C2: variants seen among roughly 807,000 people sequenced by gnomAD.
C2 encodes the protein complement C2.
Under a neutral mutation model 85.2 loss-of-function variants are expected in C2, and 64 were observed. The observed-to-expected ratio is 0.75, with a 90% CI of 0.61 to 0.92. The LOEUF (loss-of-function observed/expected upper bound fraction) is 0.92. Among genes scored for constraint, C2 ranks in the 40% least tolerant of loss-of-function variants. The pLI is 0.00. For missense variants in C2, 820 were observed against 971.6 expected, an observed-to-expected ratio of 0.84 and a Z score of 2.07; for synonymous variants, 311 against 370.8, an observed-to-expected ratio of 0.84 and a Z score of 1.85.
Position 31,904,657 on chromosome 6 carries a change from T to C in C2, c.73+3518T>C, listed in dbSNP as rs1164264453. On this transcript the variant is annotated intron_variant, in intron 1 of 3. Coordinates refer to the C2 transcript ENST00000452202. This position sits in a 1 kb window ranked among gnomAD's most constrained non-coding sequence, Gnocchi z 4.4. ...TCTGTTTTTCTATCTCATCTCTTCT[T>C]TTCCGCATTGCCAAACTTCTCAGAA... Among the ~76,000 whole-genome samples the C allele has an allele frequency of 6.6e-6, 1 of 152,102 alleles. No individual in the cohort carries two copies. Among genetic ancestry groups the C allele is most frequent in the African/African-American group, 2.4e-5 (1 of 41,376 alleles).
chr6:31,909,724 G>A (rs556410375), intron 1 of C2, among the ~76,000 whole-genome samples: 4 of 151,806 alleles, frequency 2.6e-5, no homozygotes, highest in East Asian at 1.9e-4. Context: ...GATCACAGGC[G>A]TGAGCCACTG....
chr6:31,944,083 C>T lies in C2; in HGVS notation c.1811-52C>T. ...AGGCTGCAGTCCCCAAGCCAGGAAC[C>T]TGGATTCTGGGTAAAAGGACCAGCA... is the stretch of plus-strand genomic sequence containing the variant. On this transcript the variant is annotated intron_variant, in intron 14 of 17. Transcript: ENST00000299367. This position sits in a 1 kb window ranked among gnomAD's most constrained non-coding sequence, Gnocchi z 5.1. 1 of 1,593,474 alleles carries T rather than the reference C, an allele frequency of 6.3e-7. No homozygotes were observed. Among genetic ancestry groups the T allele is most frequent in the Non-Finnish European group, 8.6e-7 (1 of 1,162,154 alleles).
intron 1 of C2, among the ~76,000 whole-genome samples, chr6:31,912,834 T>C (rs3130681): frequency 0.91 from 135,653 of 148,726 alleles, 62,080 homozygotes; most frequent in East Asian, 1. Context: ...AGCGGGACTC[T>C]ATCTCAAAAA....
chr6:31,905,478 A>T (rs1478657902), intron 1 of C2, among the ~76,000 whole-genome samples: 1 of 151,554 alleles, frequency 6.6e-6, no homozygotes, highest in East Asian at 1.9e-4. Flanking sequence ...TTTAGAAATA[A>T]AATCTGGGCT....
rs1480397137 is a variant in C2, at chr6:31,939,317, C to G, written c.1216C>G (p.Leu406Val). The G allele has an allele frequency of 1.2e-6, 2 of 1,609,594 alleles. No individual in the cohort carries two copies. Residue 406 changes from leucine (L) to valine (V), a missense_variant, in exon 9 of 18, where the codon CTG becomes GTG. Leu to Val is a conservative substitution (Grantham distance 32). Coordinates refer to ENST00000299367, the MANE Select transcript of C2 (RefSeq NM_000063.6). Reference sequence around the variant, plus strand: ...CATCAACCAGAAGAGGAATGACTATCTGGGTGAGCCCCTGCCACTGCCACC... The same window carrying G: ...CATCAACCAGAAGAGGAATGACTATGTGGGTGAGCCCCTGCCACTGCCACC... ...LNINQKRNDY[L>V]DIYAIGVGKL...
At position 31,933,733 on chromosome 6, in the gene C2, G is replaced by C. The variant is rs764340299; in HGVS notation, c.566G>C (p.Arg189Pro). 6.2e-7 allele frequency: 1 copy of C among 1,613,566 alleles called. No homozygotes were observed. The highest frequency in any genetic ancestry group is 1.1e-5 in the South Asian group (1 of 91,088). The change falls in exon 4 of 18, where the codon CGG becomes CCG. Residue 189 changes from arginine (R) to proline (P), a missense_variant. Coordinates refer to ENST00000299367, the MANE Select transcript of C2 (RefSeq NM_000063.6). Reference protein sequence around the residue: ...SNLVLTGSSERECQGNGVWSG... With the variant: ...SNLVLTGSSEPECQGNGVWSG... ...CTTGTGCTCACGGGGTCTTCGGAGC[G>C]GGAGTGCCAGGGCAACGGGGTCTGG...
chr6:31,905,432 T>C (rs1393582358), intron 1 of C2, among the ~76,000 whole-genome samples: 1 of 71,576 alleles, frequency 1.4e-5, no homozygotes, highest in African/African-American at 7.3e-5. Context: ...AATGAGACCC[T>C]GTCTTTTAAA....
intron 6 of C2, 116 bp downstream of exon 6, chr6:31,934,415 C>T (rs2151755270): frequency 7.3e-7 from 1 of 1,376,508 alleles, no homozygotes; most frequent in Non-Finnish European, 1.0e-6. Flanking sequence ...GAAGTCTTCT[C>T]AGATTATACT....
upstream of C2, among the ~76,000 whole-genome samples, chr6:31,922,781 G>A (rs1448974882): frequency 6.6e-6 from 1 of 152,204 alleles, no homozygotes; most frequent in East Asian, 1.9e-4. The surrounding 1 kb of genome is among the most constrained non-coding windows in gnomAD (Gnocchi z 4.8). Flanking sequence ...GGTGGAGGTT[G>A]CAGTGAGCCG....
chr6:31,898,643 C>CTTT (rs75322477), upstream of C2, among the ~76,000 whole-genome samples: 1,114 of 135,626 alleles, frequency 8.2e-3, 13 homozygotes, highest in East Asian at 0.023. Context: ...CCAAACTTAG[C>CTTT]TTTTTTTTTT....
chr6:31,902,925 G>A (rs1269589483), intron 1 of C2, among the ~76,000 whole-genome samples: 1 of 152,072 alleles, frequency 6.6e-6, no homozygotes, highest in African/African-American at 2.4e-5. Flanking sequence ...ATCTTCCACC[G>A]CTCCGTCCCC....
At chr6:31,929,062 G>C in intron 3 of C2, 145 bp downstream of exon 3, 1 of 771,126 alleles carries the variant, frequency 1.3e-6, no homozygotes, top group Non-Finnish European at 2.0e-6. Context: ...TTGGTAAATT[G>C]AGGTCTACAG....
intron 3 of C2, among the ~76,000 whole-genome samples, chr6:31,929,389 G>A (rs1226396322): frequency 1.3e-5 from 2 of 152,170 alleles, no homozygotes; most frequent in African/African-American, 4.8e-5. Flanking sequence ...GCTGACCTGA[G>A]ATTGCCATCT....
chr6:31,928,661 A>C, intron 2 of C2, 71 bp from the exon 3 acceptor site: 6 of 1,474,928 alleles, frequency 4.1e-6, no homozygotes, highest in Non-Finnish European at 9.5e-7. Flanking sequence ...GCATAAAATC[A>C]CCTGCTTAAT....
In C2 at chr6:31,904,131, G is replaced by T. The variant is rs1767561913; in HGVS notation, c.73+2992G>T. Among the ~76,000 whole-genome samples the T allele has an allele frequency of 6.6e-6, 1 of 151,668 alleles. No individual in the cohort carries two copies. Among genetic ancestry groups the T allele is most frequent in the Non-Finnish European group, 1.5e-5 (1 of 67,972 alleles). ...CAGTGTCCTTATCTTTGTCTCCCCC[G>T]CCCATCCTTAGCTCATCTGAAAGCA... is the stretch of plus-strand genomic sequence containing the variant. On this transcript the variant is annotated intron_variant, in intron 1 of 3. Transcript: ENST00000452202. This position sits in a 1 kb window ranked among gnomAD's most constrained non-coding sequence, Gnocchi z 4.4.
intron 1 of C2, among the ~76,000 whole-genome samples, chr6:31,911,445 A>G (rs1768092292): frequency 6.6e-6 from 1 of 152,212 alleles, no homozygotes; most frequent in Non-Finnish European, 1.5e-5. Flanking sequence ...ATTTGGGGAA[A>G]GTTTTAGATA....
Position 31,939,468 on chromosome 6 carries a change from A to AGCCTGGG in C2, c.1219+150_1219+156dup, listed in dbSNP as rs1770708284. On this transcript the variant is annotated intron_variant, in intron 9 of 17. Transcript: ENST00000299367. Reference sequence around the variant, plus strand: ...TGTACAAAGGCAACTCATGTTGAAGAGCCTGGGGTCAAACTACTGCCCATG... The same window carrying AGCCTGGG: ...TGTACAAAGGCAACTCATGTTGAAGAGCCTGGGGCCTGGGGTCAAACTACTGCCCATG... 2.8e-5 allele frequency: 18 copies of AGCCTGGG among 644,406 alleles called. 1 individual carries two copies. In the Admixed American group the frequency reaches 4.6e-4, roughly 16 times the overall value. The allele number at this position is 644,406 out of a possible 1,614,324, so 39.9% of individuals were successfully genotyped here.
rs952298884 is a variant in C2 at position 31,935,427 on chromosome 6, A to C, written c.850-496A>C. On this transcript the variant is annotated intron_variant, in intron 6 of 17. Transcript: ENST00000299367. This position sits in a 1 kb window ranked among gnomAD's most constrained non-coding sequence, Gnocchi z 4.3. ...TCTGTCAAAGAGAAAGATGTTCAAC[A>C]AAGGTTTCTTCCTTAGCTGCTGCTG... 6.4e-6 allele frequency: 1 copy of C among 155,614 alleles called. No homozygotes were observed. Among genetic ancestry groups the C allele is most frequent in the African/African-American group, 2.4e-5 (1 of 41,422 alleles). The allele number at this position is 155,614 out of a possible 1,614,324, so 9.6% of individuals were successfully genotyped here. A position where few individuals can be genotyped will look rare whatever the true frequency, so the allele number is the denominator to read the frequency against.
upstream of C2, among the ~76,000 whole-genome samples, chr6:31,923,948 T>C (rs1769123186): frequency 1.3e-5 from 2 of 151,062 alleles, no homozygotes; most frequent in East Asian, 3.9e-4. Context: ...TACAGGCGCC[T>C]GCCACCGCGC....
Sources: allele counts gnomAD v4.1 joint callset (sites outside exome capture counted in the v4.1 genomes callset), GRCh38; gene constraint gnomAD v4.1.1; non-coding constraint Gnocchi (gnomAD v3.1); transcripts MANE v1.5; gene names NCBI Gene and HGNC (gene_info 2026-07-23, HGNC 2026-07-21).